Variants in NBAS observed in about 807,000 individuals in gnomAD.
NBAS encodes NAG/BC035112 fusion.
Under a neutral mutation model 302.5 loss-of-function variants are expected in NBAS, and 219 were observed. The observed-to-expected ratio is 0.72, with a 90% confidence interval of 0.65 to 0.81. The LOEUF is 0.81. Ranked by LOEUF, NBAS falls within the 30% of genes least tolerant of loss-of-function variation. The pLI is 0.00. For missense variants in NBAS, 2,932 were observed against 2,841.6 expected, an observed-to-expected ratio of 1.03 and a Z score of -0.72; for synonymous variants, 1,118 against 1,021.6, an observed-to-expected ratio of 1.09 and a Z score of -1.80.
the NBAS span, among the ~76,000 whole-genome samples, chr2:15,007,465 G>C: frequency 6.6e-6 from 1 of 152,170 alleles, no homozygotes; most frequent in Non-Finnish European, 1.5e-5. Flanking sequence ...AACTTATGCT[G>C]TTTATTTGAA....
At chr2:15,129,497 C>T in the NBAS span, among the ~76,000 whole-genome samples, 1 of 152,206 alleles carries the variant, frequency 6.6e-6, no homozygotes, top group Non-Finnish European at 1.5e-5. Flanking sequence ...CCTGCCCTGT[C>T]CCAAAGCTAC....
intron 41 of NBAS, among the ~76,000 whole-genome samples, chr2:15,290,540 G>A (rs1670261542): frequency 6.6e-6 from 1 of 152,162 alleles, no homozygotes; most frequent in African/African-American, 2.4e-5. Context: ...TATTCTGCAT[G>A]ATAATCACCT....
intron 50 of NBAS, chr2:15,179,535 G>C (rs59044608): frequency 0.013 from 2,468 of 184,804 alleles, 56 homozygotes; most frequent in African/African-American, 0.054. Flanking sequence ...AGCATACAAC[G>C]CTCAGCATAT....
At chr2:14,999,451 TG>T in the NBAS span, among the ~76,000 whole-genome samples, 1 of 152,130 alleles carries the variant, frequency 6.6e-6, no homozygotes, top group South Asian at 2.1e-4. Context: ...AGAGGCCTGG[TG>T]GGAGGTGATT....
chr2:15,476,722 A>AG (rs1221213704), intron 13 of NBAS, among the ~76,000 whole-genome samples: 5 of 152,294 alleles, frequency 3.3e-5, no homozygotes, highest in Admixed American at 1.3e-4. Context: ...CCAAAAAACA[A>AG]AAAGAAAAAA....
At chr2:15,179,338 G>A (rs1010190425) in intron 50 of NBAS, 8 of 584,424 alleles carry the variant, frequency 1.4e-5, no homozygotes, top group East Asian at 6.3e-5. Flanking sequence ...GATATTCATC[G>A]ACAATATTGC....
intron 44 of NBAS, among the ~76,000 whole-genome samples, chr2:15,259,379 T>C (rs1252635200): frequency 6.6e-6 from 1 of 152,180 alleles, no homozygotes; most frequent in African/African-American, 2.4e-5. Context: ...CAAGGCCATG[T>C]CCCTAGAATG....
intron 21 of NBAS, among the ~76,000 whole-genome samples, chr2:15,436,305 A>C (rs557104122): frequency 6.6e-6 from 1 of 152,342 alleles, no homozygotes; most frequent in South Asian, 2.1e-4. Context: ...CTGCTACTGT[A>C]ATTATTTGTA....
chr2:15,271,572 G>A (rs1246214765), intron 44 of NBAS, among the ~76,000 whole-genome samples: 1 of 152,144 alleles, frequency 6.6e-6, no homozygotes, highest in Admixed American at 6.5e-5. Context: ...TAAACTGTAT[G>A]ATTACCTGGG....
chr2:14,947,525 A>G, the NBAS span, among the ~76,000 whole-genome samples: 1 of 152,070 alleles, frequency 6.6e-6, no homozygotes, highest in African/African-American at 2.4e-5. Context: ...CAGTTGTAAC[A>G]GGTTTTTTGG....
At chr2:15,228,703 T>C (rs1339680104) in intron 47 of NBAS, among the ~76,000 whole-genome samples, 4 of 152,088 alleles carry the variant, frequency 2.6e-5, no homozygotes, top group African/African-American at 7.2e-5. Flanking sequence ...TGGAGGACAT[T>C]ATGTTAAGTG....
intron 10 of NBAS, among the ~76,000 whole-genome samples, chr2:15,508,532 C>G (rs1661978838): frequency 6.6e-6 from 1 of 152,144 alleles, no homozygotes. Flanking sequence ...CCTATTTTGA[C>G]AAATTTCACA....
chr2:15,545,962 G>T (rs10176967), intron 6 of NBAS, among the ~76,000 whole-genome samples: 96,942 of 151,982 alleles, frequency 0.64, 31,647 homozygotes, highest in Non-Finnish European at 0.68. Context: ...AATATCTAGT[G>T]GCTTGCTGCT....
the NBAS span, among the ~76,000 whole-genome samples, chr2:14,918,280 G>T: frequency 7.2e-6 from 1 of 139,742 alleles, no homozygotes; most frequent in East Asian, 2.2e-4. Flanking sequence ...ATGTAAACAA[G>T]ATTCTTGCCC....
intron 31 of NBAS, among the ~76,000 whole-genome samples, chr2:15,372,973 C>G (rs1674560367): frequency 6.6e-6 from 1 of 152,120 alleles, no homozygotes; most frequent in South Asian, 2.1e-4. Flanking sequence ...CACAGGCACA[C>G]ACACACAGAG....
chr2:14,981,868 T>C, the NBAS span, among the ~76,000 whole-genome samples: 1 of 152,214 alleles, frequency 6.6e-6, no homozygotes, highest in East Asian at 1.9e-4. Flanking sequence ...AGTGTTACCC[T>C]AACATGGTAG....
rs115829005 is a variant in NBAS at position 15,486,880 on chromosome 2, A to G, written c.1083+2014T>C. Among the ~76,000 whole-genome samples, 717 of 152,142 alleles carry G rather than the reference A, an allele frequency of 4.7e-3. 8 individuals carry two copies. The highest frequency in any genetic ancestry group is 0.016 in the African/African-American group (663 of 41,508). ...CCAGTCAAAGGTTGAGCATATTCCA[A>G]TAAGGGCCACAAAAAAAGATTCAAT... On this transcript the variant is annotated intron_variant, in intron 12 of 51. Transcript: ENST00000281513.
the NBAS span, among the ~76,000 whole-genome samples, chr2:15,106,482 T>TCTCTCTCA: frequency 6.6e-6 from 1 of 150,996 alleles, no homozygotes. Flanking sequence ...TCTCTCTCAC[T>TCTCTCTCA]CTCCAGTCCC....
chr2:14,863,605 C>G, the NBAS span, among the ~76,000 whole-genome samples: 7 of 152,358 alleles, frequency 4.6e-5, no homozygotes, highest in East Asian at 1.4e-3. Flanking sequence ...CTGCTCCAGA[C>G]TTCTTGGTTC....
Sources: allele counts gnomAD v4.1 joint callset (sites outside exome capture counted in the v4.1 genomes callset), GRCh38; gene constraint gnomAD v4.1.1; transcripts MANE v1.5; gene names NCBI Gene and HGNC (gene_info 2026-07-23, HGNC 2026-07-21).